Variants in SGCZ observed in about 807,000 individuals in gnomAD.
SGCZ encodes zeta-sarcoglycan.
Under a neutral mutation model 41.3 loss-of-function variants are expected in SGCZ, and 40 were observed. That is an observed-to-expected ratio of 0.97 (90% CI 0.75 to 1.26). The LOEUF (loss-of-function observed/expected upper bound fraction) is 1.26. Ranked by LOEUF, SGCZ falls within the 50% of genes most tolerant of loss-of-function variation. The pLI is 0.00. For missense variants in SGCZ, 552 were observed against 369.8 expected, an observed-to-expected ratio of 1.49 and a Z score of -4.04; for synonymous variants, 206 against 137.5, an observed-to-expected ratio of 1.50 and a Z score of -3.49.
At chr8:14,643,606 C>G (rs1807098834) in intron 1 of SGCZ, among the ~76,000 whole-genome samples, 1 of 151,374 alleles carries the variant, frequency 6.6e-6, no homozygotes. Context: ...ACTCCACCTC[C>G]AACCTATTCC....
intron 1 of SGCZ, among the ~76,000 whole-genome samples, chr8:15,091,641 T>C (rs937141379): frequency 1.3e-5 from 2 of 152,122 alleles, no homozygotes; most frequent in Admixed American, 1.3e-4. Context: ...ACTAAAAAAA[T>C]TTCCAATTTA....
chr8:14,109,931 T>G (rs1169369160), intron 5 of SGCZ, among the ~76,000 whole-genome samples: 1 of 152,182 alleles, frequency 6.6e-6, no homozygotes, highest in Non-Finnish European at 1.5e-5. Flanking sequence ...GAACTCTTAA[T>G]GGGCTTAATA....
intron 3 of SGCZ, among the ~76,000 whole-genome samples, chr8:14,262,863 C>T (rs910672897): frequency 6.7e-6 from 1 of 148,476 alleles, no homozygotes; most frequent in Non-Finnish European, 1.5e-5. Context: ...TTAGAAAAAG[C>T]AAAATGTGAG....
intron 2 of SGCZ, among the ~76,000 whole-genome samples, chr8:14,463,024 G>A (rs919538227): frequency 6.6e-6 from 1 of 151,360 alleles, no homozygotes; most frequent in Non-Finnish European, 1.5e-5. Context: ...CTGATTTTTT[G>A]TGTTGACTAA....
chr8:14,252,818 C>T (rs753863366), intron 3 of SGCZ, among the ~76,000 whole-genome samples: 3 of 152,154 alleles, frequency 2.0e-5, no homozygotes, highest in African/African-American at 4.8e-5. Context: ...AAGGGAAATT[C>T]TGATTTTAGC....
chr8:14,648,551 A>C (rs1470874294), intron 1 of SGCZ, among the ~76,000 whole-genome samples: 1 of 152,136 alleles, frequency 6.6e-6, no homozygotes, highest in African/African-American at 2.4e-5. Flanking sequence ...AATACAGCAA[A>C]AAATGAATTC....
At chr8:14,431,326 C>T (rs561185428) in intron 2 of SGCZ, among the ~76,000 whole-genome samples, 1 of 152,126 alleles carries the variant, frequency 6.6e-6, no homozygotes, top group South Asian at 2.1e-4. Flanking sequence ...AGCATGGTAC[C>T]AGTATAAAAA....
At chr8:15,139,542 A>G (rs779289131) in intron 1 of SGCZ, among the ~76,000 whole-genome samples, 4 of 152,196 alleles carry the variant, frequency 2.6e-5, no homozygotes, top group Admixed American at 6.5e-5. Context: ...ACATGGCACT[A>G]TAAGAAACCT....
intron 1 of SGCZ, among the ~76,000 whole-genome samples, chr8:14,618,814 A>G (rs1018661923): frequency 1.3e-5 from 2 of 152,196 alleles, no homozygotes; most frequent in African/African-American, 4.8e-5. Flanking sequence ...GACTGAAAGC[A>G]TTCCTTAACA....
chr8:15,196,622 TTTTA>T (rs72496763), intron 1 of SGCZ, among the ~76,000 whole-genome samples: 58,456 of 151,256 alleles, frequency 0.39, 12,419 homozygotes, highest in Non-Finnish European at 0.46. Flanking sequence ...GTAAAATTTC[TTTTA>T]TTTATTTATT....
At chr8:14,233,516 C>T (rs4123853) in intron 4 of SGCZ, among the ~76,000 whole-genome samples, 48,583 of 149,316 alleles carry the variant, frequency 0.33, 8,220 homozygotes, top group Non-Finnish European at 0.38. Context: ...TTATTAGTAG[C>T]GTTGTAAACA....
At position 14,813,286 on chromosome 8, in the gene SGCZ, A is replaced by G. The variant is rs1801789644; in HGVS notation, c.40-258360T>C. ...ATGTACATTGTATTCACGTCGTATG[A>G]AATTTCATTTTTTAATATAATCTCT... is the stretch of plus-strand genomic sequence containing the variant. On this transcript the variant is annotated intron_variant, in intron 1 of 7. Transcript: ENST00000382080. Among the ~76,000 whole-genome samples, 4 of 152,188 alleles carry G rather than the reference A, an allele frequency of 2.6e-5. No individual in the cohort carries two copies. In the South Asian group the frequency reaches 8.3e-4, roughly 31 times the overall value.
chr8:14,118,396 A>T (rs1302593255), intron 5 of SGCZ, among the ~76,000 whole-genome samples: 1 of 151,940 alleles, frequency 6.6e-6, no homozygotes. Context: ...CATATCCTTC[A>T]CCCACTTTTT....
intron 2 of SGCZ, among the ~76,000 whole-genome samples, chr8:14,456,153 A>C (rs547039775): frequency 3.3e-5 from 5 of 152,270 alleles, no homozygotes; most frequent in Admixed American, 3.3e-4. Flanking sequence ...TCACACCTGT[A>C]ATCCCAGGAC....
chr8:15,073,284 T>C (rs1374129900), intron 1 of SGCZ, among the ~76,000 whole-genome samples: 1 of 152,166 alleles, frequency 6.6e-6, no homozygotes, highest in East Asian at 1.9e-4. Context: ...AAACTAAAAA[T>C]ATTGCTTGGC....
chr8:14,748,630 A>C (rs1283220889), intron 1 of SGCZ, among the ~76,000 whole-genome samples: 1 of 152,210 alleles, frequency 6.6e-6, no homozygotes, highest in Non-Finnish European at 1.5e-5. Flanking sequence ...TTTTTGGAAA[A>C]AGCTAAAAGG....
chr8:15,117,759 C>T (rs1585581588), intron 1 of SGCZ, among the ~76,000 whole-genome samples: 1 of 152,256 alleles, frequency 6.6e-6, no homozygotes, highest in African/African-American at 2.4e-5. Flanking sequence ...ATAATTTAAC[C>T]ACTCAGAAAA....
chr8:14,104,869 A>T (rs1296674596), intron 6 of SGCZ, among the ~76,000 whole-genome samples: 1 of 152,128 alleles, frequency 6.6e-6, no homozygotes, highest in Non-Finnish European at 1.5e-5. Flanking sequence ...CAATTATATG[A>T]TTAATCTGCA....
intron 2 of SGCZ, among the ~76,000 whole-genome samples, chr8:14,382,901 T>G (rs1804423502): frequency 6.6e-6 from 1 of 152,200 alleles, no homozygotes. Context: ...AAAGCTTTGG[T>G]ACTAGGTATA....
Sources: allele counts gnomAD v4.1 joint callset (sites outside exome capture counted in the v4.1 genomes callset), GRCh38; gene constraint gnomAD v4.1.1; transcripts MANE v1.5; gene names NCBI Gene and HGNC (gene_info 2026-07-23, HGNC 2026-07-21).